The following NR5A2 variants were observed in gnomAD, a reference collection of about 807,000 sequenced individuals.
NR5A2 encodes the protein nuclear receptor subfamily 5 group A member 2, also known as CYP7A promoter-binding factor.
In NR5A2, 26 loss-of-function variants were observed where a neutral mutation model predicts 62.7. That is an observed-to-expected ratio of 0.41 (90% CI 0.30 to 0.58). The LOEUF is 0.58. Ranked by LOEUF, NR5A2 falls within the 20% of genes least tolerant of loss-of-function variation. The probability of loss-of-function intolerance (pLI) is 0.22; values close to 1 mark genes in which losing one functional copy is unlikely to be tolerated. For missense variants in NR5A2, 541 were observed against 669.1 expected, an observed-to-expected ratio of 0.81 and a Z score of 2.11; for synonymous variants, 246 against 241.7, an observed-to-expected ratio of 1.02 and a Z score of -0.16.
At chr1:200,123,279 C>T (rs192184802) in intron 7 of NR5A2, among the ~76,000 whole-genome samples, 13 of 152,264 alleles carry the variant, frequency 8.5e-5, no homozygotes, top group Non-Finnish European at 1.8e-4. Context: ...CAGTGTTTTC[C>T]AGATAGATTT....
At chr1:200,052,832 G>A (rs970770830) in intron 5 of NR5A2, among the ~76,000 whole-genome samples, 1 of 152,082 alleles carries the variant, frequency 6.6e-6, no homozygotes, top group Non-Finnish European at 1.5e-5. Flanking sequence ...AGTAGAGACG[G>A]TGTTTCACCG....
intron 6 of NR5A2, among the ~76,000 whole-genome samples, chr1:200,118,302 C>CCA (rs985912091): frequency 1.3e-4 from 20 of 152,164 alleles, no homozygotes; most frequent in Non-Finnish European, 5.9e-5. Flanking sequence ...CAGGAGTGAG[C>CCA]CACCGCACCT....
chr1:200,132,607 C>T (rs1273332399), intron 7 of NR5A2, among the ~76,000 whole-genome samples: 1 of 152,176 alleles, frequency 6.6e-6, no homozygotes, highest in African/African-American at 2.4e-5. Flanking sequence ...AGGCTTCATG[C>T]CTCTTCAGTT....
At position 200,147,079 on chromosome 1, in the gene NR5A2, A is replaced by C. The variant is rs1413946208; in HGVS notation, c.1378+26124A>C. On this transcript the variant is annotated intron_variant, in intron 7 of 7. Transcript: ENST00000367362. This position sits in a 1 kb window ranked among gnomAD's most constrained non-coding sequence, Gnocchi z 4.9. ...GGGTGGCAGCAAAGGGCACCAAAAGAAAAGATAAATTGCCCAAAATAAATA... is the reference window on the plus strand; with the variant it reads ...GGGTGGCAGCAAAGGGCACCAAAAGCAAAGATAAATTGCCCAAAATAAATA... 6.6e-6 allele frequency among the ~76,000 whole-genome samples: 1 copy of C among 152,222 alleles called. No individual in the cohort carries two copies. Among genetic ancestry groups the C allele is most frequent in the East Asian group, 1.9e-4 (1 of 5,198 alleles).
chr1:200,046,867 CT>C (rs1004251554), intron 4 of NR5A2, among the ~76,000 whole-genome samples: 1 of 152,082 alleles, frequency 6.6e-6, no homozygotes. Context: ...AATAATTAAA[CT>C]TTCTTTTTTT....
At chr1:200,049,964 C>T (rs747163500) in intron 5 of NR5A2, among the ~76,000 whole-genome samples, 1 of 152,214 alleles carries the variant, frequency 6.6e-6, no homozygotes, top group African/African-American at 2.4e-5. Flanking sequence ...AAAAAAGTTA[C>T]CTGAACAGAC....
chr1:200,051,920 G>A (rs530321651), intron 5 of NR5A2, among the ~76,000 whole-genome samples: 1 of 151,860 alleles, frequency 6.6e-6, no homozygotes, highest in Non-Finnish European at 1.5e-5. Flanking sequence ...TCACACGGGC[G>A]CACACACACA....
intron 7 of NR5A2, among the ~76,000 whole-genome samples, chr1:200,163,484 T>C (rs1653751509): frequency 6.7e-6 from 1 of 150,206 alleles, no homozygotes; most frequent in South Asian, 2.1e-4. Flanking sequence ...ATTTTGTTTA[T>C]TGTTTTTTTT....
intron 7 of NR5A2, among the ~76,000 whole-genome samples, chr1:200,165,516 T>C (rs533702473): frequency 1.3e-5 from 2 of 152,320 alleles, no homozygotes; most frequent in South Asian, 4.1e-4. Context: ...CATCCCTCCT[T>C]CTACCAACTA....
chr1:200,066,751 C>A (rs1170306037), intron 5 of NR5A2, among the ~76,000 whole-genome samples: 1 of 152,010 alleles, frequency 6.6e-6, no homozygotes, highest in African/African-American at 2.4e-5. Context: ...CCATGCCCAG[C>A]TAATTTTTGT....
chr1:200,065,189 C>A (rs904201017), intron 5 of NR5A2, among the ~76,000 whole-genome samples: 1 of 152,120 alleles, frequency 6.6e-6, no homozygotes. Context: ...CTCTGTCACA[C>A]AGGCTGGAGT....
intron 1 of NR5A2, among the ~76,000 whole-genome samples, chr1:200,028,124 T>C (rs1330755346): frequency 6.6e-6 from 1 of 152,216 alleles, no homozygotes; most frequent in Non-Finnish European, 1.5e-5. Context: ...TATTATTCAT[T>C]ATATCTAGTG....
chr1:200,033,090 A>G (rs116557817), intron 1 of NR5A2, among the ~76,000 whole-genome samples: 1 of 152,178 alleles, frequency 6.6e-6, no homozygotes, highest in Admixed American at 6.5e-5. Context: ...CACATCTGGG[A>G]GGACTGAGGT....
intron 5 of NR5A2, among the ~76,000 whole-genome samples, chr1:200,088,557 G>A (rs972575860): frequency 6.6e-6 from 1 of 151,970 alleles, no homozygotes. Flanking sequence ...ATGCCTGACC[G>A]CCCAGCCCCT....
At position 200,147,459 on chromosome 1, in the gene NR5A2, G is replaced by C; in HGVS notation, c.1378+26504G>C. 2 of 574,966 alleles carry C rather than the reference G, an allele frequency of 3.5e-6. No individual in the cohort carries two copies. Among genetic ancestry groups the C allele is most frequent in the South Asian group, 2.9e-5 (2 of 68,998 alleles). The allele number at this position is 574,966 out of a possible 1,614,324, so 35.6% of individuals were successfully genotyped here. A position where few individuals can be genotyped will look rare whatever the true frequency, so the allele number is the denominator to read the frequency against. On this transcript the variant is annotated intron_variant, in intron 7 of 7. Coordinates refer to ENST00000367362, the MANE Select transcript of NR5A2 (RefSeq NM_205860.3). This position sits in a 1 kb window ranked among gnomAD's most constrained non-coding sequence, Gnocchi z 4.9. Reference sequence around the variant, plus strand: ...ATGGGGCTGCCTCCTCCAGTACACGGAGAGCTCTTTGAGGCAAGGGACAAT... The same window carrying C: ...ATGGGGCTGCCTCCTCCAGTACACGCAGAGCTCTTTGAGGCAAGGGACAAT...
intron 5 of NR5A2, among the ~76,000 whole-genome samples, chr1:200,052,852 G>T (rs1012108527): frequency 6.6e-6 from 1 of 152,078 alleles, no homozygotes; most frequent in Admixed American, 6.6e-5. Context: ...GTGTTAGCCA[G>T]GATGGTCTTG....
At chr1:200,151,863 G>A (rs61826163) in intron 7 of NR5A2, among the ~76,000 whole-genome samples, 7,265 of 152,334 alleles carry the variant, frequency 0.048, 224 homozygotes, top group Non-Finnish European at 0.068. Context: ...AGTGCATGCT[G>A]CAATAGTCAT....
At chr1:200,070,934 G>A (rs562392561) in intron 5 of NR5A2, among the ~76,000 whole-genome samples, 1 of 152,160 alleles carries the variant, frequency 6.6e-6, no homozygotes, top group South Asian at 2.1e-4. Context: ...GAATCTGCAG[G>A]GAATACTAGA....
chr1:200,166,203 A>G (rs1300528123), intron 7 of NR5A2, among the ~76,000 whole-genome samples: 1 of 152,138 alleles, frequency 6.6e-6, no homozygotes, highest in South Asian at 2.1e-4. Context: ...GATCCGTGGG[A>G]GCTTTTTTTC....
Sources: gnomAD v4.1 joint callset for allele counts (sites outside exome capture counted in the v4.1 genomes callset) on GRCh38, gnomAD v4.1.1 for gene constraint, Gnocchi (gnomAD v3.1) non-coding constraint, MANE v1.5 for transcripts, NCBI Gene and HGNC (gene_info 2026-07-23, HGNC 2026-07-21) for gene names.